ACKR4: variants seen among roughly 807,000 people sequenced by gnomAD.
The protein encoded by ACKR4 is atypical chemokine receptor 4.
Under a neutral mutation model 8.5 loss-of-function variants are expected in ACKR4, and 2 were observed. The observed-to-expected ratio is 0.23, with a 90% CI of 0.10 to 0.74. ACKR4 has a LOEUF of 0.74. Ranked by LOEUF, ACKR4 falls within the 30% of genes least tolerant of loss-of-function variation. The pLI is 0.75. For synonymous variants in ACKR4, 67 were observed against 145.0 expected (o/e 0.46, Z 3.86); for missense variants, 167 against 422.1 (o/e 0.40, Z 5.30).
Position 132,601,086 on chromosome 3 carries a change from T to A in ACKR4, c.689T>A (p.Met230Lys), listed in dbSNP as rs1357000447. ...YFITARTLMK[M>K]PNIKISRPLK... ...ATCACAGCAAGGACACTCATGAAGA[T>A]GCCAAACATTAAAATATCTCGACCC... Residue 230 changes from methionine (M) to lysine (K), a missense_variant, in exon 2 of 2, where the codon ATG (methionine) becomes AAG (lysine). Physicochemically the swap from Met to Lys is moderately conservative, Grantham distance 95. This residue lies in a region of ACKR4 where 149 missense variants were observed against 281.9 expected (regional missense o/e 0.53). Transcript: ENST00000249887. The A allele has an allele frequency of 1.2e-6, 2 of 1,613,802 alleles. No homozygotes were observed. The highest frequency in any genetic ancestry group is 1.7e-6 in the Non-Finnish European group (2 of 1,179,866).
chr3:132,600,966 G>A lies in ACKR4; in HGVS notation c.569G>A (p.Arg190His), dbSNP rs141386637. The A allele has an allele frequency of 2.0e-4, 329 of 1,612,226 alleles. No individual in the cohort carries two copies. Among genetic ancestry groups the A allele is most frequent in the African/African-American group, 1.4e-3 (105 of 74,836 alleles). ...GCTAGGTGCATTCCCATTTTCCCCC[G>A]CTACCTAGGAACATCAATGAAAGCA... ...DNARCIPIFP[R>H]YLGTSMKALI... Residue 190 changes from arginine (R) to histidine (H), a missense_variant, in exon 2 of 2, where the codon CGC (arginine) becomes CAC (histidine). This residue lies in a region of ACKR4 where 149 missense variants were observed against 281.9 expected (regional missense o/e 0.53). Transcript: ENST00000249887.
intron 1 of ACKR4, among the ~76,000 whole-genome samples, chr3:132,598,736 C>G (rs1267417457): frequency 6.6e-6 from 1 of 152,184 alleles, no homozygotes; most frequent in African/African-American, 2.4e-5. Flanking sequence ...TGGGTGCCAG[C>G]CCACTGCTGA....
Position 132,601,788 on chromosome 3 carries a change from C to G in ACKR4, c.*338C>G, listed in dbSNP as rs144307055. 4.8e-3 allele frequency: 1,904 copies of G among 396,676 alleles called. 11 individuals are homozygous for G. The highest frequency in any genetic ancestry group is 6.3e-3 in the Non-Finnish European group (1,255 of 200,556). 24.6% of individuals were successfully genotyped at this position (396,676 alleles called of 1,614,324 possible). ...AATCTACACAAGTGATAAAATGACA[C>G]AGAACTATATACACACATTGTACCA... On this transcript the variant is annotated 3_prime_UTR_variant, in exon 2 of 2. Coordinates refer to ENST00000249887, the MANE Select transcript of ACKR4 (RefSeq NM_016557.4).
rs1313795854 is a variant in ACKR4 at position 132,602,510 on chromosome 3, A to G, written c.*1060A>G. 6.6e-6 allele frequency among the ~76,000 whole-genome samples: 1 copy of G among 152,204 alleles called. No individual in the cohort carries two copies. The highest frequency in any genetic ancestry group is 2.4e-5 in the African/African-American group (1 of 41,456). ...CACTTTATTTTTGAGTAATAAAAAT[A>G]TGTACCACAATAAATTATTGTTAAT... On this transcript the variant is annotated 3_prime_UTR_variant, in exon 2 of 2. Coordinates refer to ENST00000249887, the MANE Select transcript of ACKR4 (RefSeq NM_016557.4).
In ACKR4 at chr3:132,602,152, G is replaced by A. The variant is rs1419743262; in HGVS notation, c.*702G>A. The A allele has an allele frequency of 6.1e-6, 1 of 163,988 alleles. No homozygotes were observed. The highest frequency in any genetic ancestry group is 6.7e-5 in the Admixed American group (1 of 15,002). The allele number at this position is 163,988 out of a possible 1,614,324, so 10.2% of individuals were successfully genotyped here. ...CTTTTTTCCTGTTTTTTTTAAATTT[G>A]TAAGTAATTTTATAAAATCCACCTC... On this transcript the variant is annotated 3_prime_UTR_variant, in exon 2 of 2. Coordinates refer to ENST00000249887, the MANE Select transcript of ACKR4 (RefSeq NM_016557.4).
intron 1 of ACKR4, among the ~76,000 whole-genome samples, chr3:132,598,715 C>G (rs1938424396): frequency 6.6e-6 from 1 of 152,172 alleles, no homozygotes; most frequent in African/African-American, 2.4e-5. Flanking sequence ...TAGACAGATG[C>G]TGCTGCATGG....
chr3:132,597,883 G>A (rs1212107375), intron 1 of ACKR4, among the ~76,000 whole-genome samples: 1 of 152,100 alleles, frequency 6.6e-6, no homozygotes, highest in Non-Finnish European at 1.5e-5. Flanking sequence ...ATAAGAACAT[G>A]AAGACCAGAG....
rs1205559649 is a variant in ACKR4, at chr3:132,601,749, G to C, written c.*299G>C. The C allele has an allele frequency of 2.4e-6, 1 of 415,196 alleles. No homozygotes were observed. The allele number at this position is 415,196 out of a possible 1,614,324, so 25.7% of individuals were successfully genotyped here. ...GTGATAATTTTGTATCTTGGTTGCA[G>C]TGGTGCTTATACAAATCTACACAAG... On this transcript the variant is annotated 3_prime_UTR_variant, in exon 2 of 2. Coordinates refer to ENST00000249887, the MANE Select transcript of ACKR4 (RefSeq NM_016557.4).
Position 132,601,573 on chromosome 3 carries a change from T to TG in ACKR4, c.*126dup. 1 of 607,644 alleles carries TG rather than the reference T, an allele frequency of 1.6e-6. No homozygotes were observed. The highest frequency in any genetic ancestry group is 2.9e-6 in the Non-Finnish European group (1 of 340,902). The allele number at this position is 607,644 out of a possible 1,614,324, so 37.6% of individuals were successfully genotyped here. A position where few individuals can be genotyped will look rare whatever the true frequency, so the allele number is the denominator to read the frequency against. ...CGTGGTTGCAACTTATAATAAAGAA[T>TG]GGGTTGGGGGAAGGGGGAGAAATAA... On this transcript the variant is annotated 3_prime_UTR_variant, in exon 2 of 2. Transcript: ENST00000249887.
chr3:132,598,919 G>T (rs1285260614), intron 1 of ACKR4, among the ~76,000 whole-genome samples: 1 of 152,292 alleles, frequency 6.6e-6, no homozygotes, highest in Admixed American at 6.5e-5. Context: ...CAGAGGAGAG[G>T]TAGATTGGCA....
At position 132,601,769 on chromosome 3, in the gene ACKR4, C is replaced by T. The variant is rs1272089093; in HGVS notation, c.*319C>T. ...TTGCAGTGGTGCTTATACAAATCTA[C>T]ACAAGTGATAAAATGACACAGAACT... is the stretch of plus-strand genomic sequence containing the variant. On this transcript the variant is annotated 3_prime_UTR_variant, in exon 2 of 2. Coordinates refer to ENST00000249887, the MANE Select transcript of ACKR4 (RefSeq NM_016557.4). The T allele has an allele frequency of 7.3e-6, 3 of 411,338 alleles. No individual in the cohort carries two copies. Among genetic ancestry groups the T allele is most frequent in the Non-Finnish European group, 1.4e-5 (3 of 210,124 alleles). The allele number at this position is 411,338 out of a possible 1,614,324, so 25.5% of individuals were successfully genotyped here. A position where few individuals can be genotyped will look rare whatever the true frequency, so the allele number is the denominator to read the frequency against.
At chr3:132,599,011 C>T (rs578220365) in intron 1 of ACKR4, among the ~76,000 whole-genome samples, 1 of 152,214 alleles carries the variant, frequency 6.6e-6, no homozygotes, top group Admixed American at 6.5e-5. Context: ...AACAGGCTAT[C>T]AGTTAGAAAG....
intron 1 of ACKR4, among the ~76,000 whole-genome samples, chr3:132,599,065 C>T (rs1938448746): frequency 6.6e-6 from 1 of 152,186 alleles, no homozygotes; most frequent in Non-Finnish European, 1.5e-5. Flanking sequence ...GTTACTCCAA[C>T]TCTTTGCGAG....
intron 1 of ACKR4, among the ~76,000 whole-genome samples, chr3:132,599,827 A>G (rs982733213): frequency 1.3e-5 from 2 of 152,152 alleles, no homozygotes; most frequent in East Asian, 1.9e-4. Context: ...TGTTTTATAA[A>G]AGGCAACTAG....
chr3:132,601,282 C>T lies in ACKR4; in HGVS notation c.885C>T (p.His295=), dbSNP rs143176009. 1.2e-6 allele frequency: 2 copies of T among 1,613,894 alleles called. No individual in the cohort carries two copies. The highest frequency in any genetic ancestry group is 2.7e-5 in the African/African-American group (2 of 74,926). ...TCACAGAAAGCATCGCACTCTTTCA[C>T]AGCTGCCTCAACCCAATCCTTTATG... ...IQVTESIALF[H]SCLNPILYVF... Residue 295 remains histidine, a synonymous_variant, in exon 2 of 2, where the codon CAC becomes CAT. Coordinates refer to ENST00000249887, the MANE Select transcript of ACKR4 (RefSeq NM_016557.4).
Position 132,600,809 on chromosome 3 carries a change from T to C in ACKR4, c.412T>C (p.Tyr138His). 1.2e-6 allele frequency: 2 copies of C among 1,614,048 alleles called. No homozygotes were observed. Among genetic ancestry groups the C allele is most frequent in the South Asian group, 1.1e-5 (1 of 91,082 alleles). The part of the protein sequence containing the change: ...QFLACISIDR[Y>H]VAVTKVPSQS... ...TCTGGCTTGTATCAGCATAGACAGATATGTGGCAGTAACTAAAGTCCCCAG... is the reference window on the plus strand; with the variant it reads ...TCTGGCTTGTATCAGCATAGACAGACATGTGGCAGTAACTAAAGTCCCCAG... The change falls in exon 2 of 2, where the codon TAT (tyrosine) becomes CAT (histidine). Residue 138 changes from tyrosine to histidine, a missense_variant. Tyr to His is a moderately conservative substitution (Grantham distance 83). This residue lies in a region of ACKR4 where 149 missense variants were observed against 281.9 expected (regional missense o/e 0.53). Transcript: ENST00000249887.
rs1938618650 is a variant in ACKR4 at position 132,601,842 on chromosome 3, G to A, written c.*392G>A. ...TCAATTTCCTGGTTTTGACATTATAGTATAATTATGTAAGATGGAACCATT... is the reference window on the plus strand; with the variant it reads ...TCAATTTCCTGGTTTTGACATTATAATATAATTATGTAAGATGGAACCATT... On this transcript the variant is annotated 3_prime_UTR_variant, in exon 2 of 2. Transcript: ENST00000249887. 1 of 309,068 alleles carries A rather than the reference G, an allele frequency of 3.2e-6. No individual in the cohort carries two copies. The highest frequency in any genetic ancestry group is 2.2e-5 in the African/African-American group (1 of 44,504). 19.1% of individuals were successfully genotyped at this position (309,068 alleles called of 1,614,324 possible). A position where few individuals can be genotyped will look rare whatever the true frequency, so the allele number is the denominator to read the frequency against.
chr3:132,600,579 T>C lies in ACKR4; in HGVS notation c.182T>C (p.Met61Thr). The change falls in exon 2 of 2, where the codon ATG (methionine) becomes ACG (threonine). Residue 61 changes from methionine to threonine, a missense_variant. Physicochemically the swap from Met to Thr is moderately conservative, Grantham distance 81 (BLOSUM62 -1). Around this residue, in one of 2 missense-constraint regions of ACKR4, gnomAD observed 149 missense variants for 281.9 expected, o/e 0.53. Transcript: ENST00000249887. ...GTCATTGGACTTGCAGGCAATTCCA[T>C]GGTAGTGGCAATTTATGCCTATTAC... ...VFVIGLAGNS[M>T]VVAIYAYYKK... is the part of the protein sequence containing the mutation. The C allele has an allele frequency of 6.2e-7, 1 of 1,613,986 alleles. No homozygotes were observed. The highest frequency in any genetic ancestry group is 8.5e-7 in the Non-Finnish European group (1 of 1,179,852).
At chr3:132,597,690 C>T (rs1938376191) in intron 1 of ACKR4, among the ~76,000 whole-genome samples, 1 of 151,810 alleles carries the variant, frequency 6.6e-6, no homozygotes, top group Non-Finnish European at 1.5e-5. Flanking sequence ...AGGATCATTT[C>T]TGCAAATAAT....
Sources: allele counts gnomAD v4.1 joint callset (sites outside exome capture counted in the v4.1 genomes callset), GRCh38; gene constraint gnomAD v4.1.1; regional missense constraint gnomAD v4.1.1; transcripts MANE v1.5; gene names NCBI Gene and HGNC (gene_info 2026-07-23, HGNC 2026-07-21).